SMOX: variants seen among roughly 807,000 people sequenced by gnomAD.
SMOX encodes the protein flavin containing amine oxidase.
SMOX carries 22 observed loss-of-function variants against 51.0 expected under a neutral mutation model. That is an observed-to-expected ratio of 0.43 (90% CI 0.31 to 0.62). The LOEUF is 0.62. Ranked by LOEUF, SMOX falls within the 20% of genes least tolerant of loss-of-function variation. The pLI is 0.10. For missense variants in SMOX, 566 were observed against 777.7 expected (o/e 0.73, Z 3.24); for synonymous variants, 282 against 307.8 (o/e 0.92, Z 0.88).
intron 6 of SMOX, among the ~76,000 whole-genome samples, chr20:4,185,031 A>T (rs1365920978): frequency 1.3e-5 from 2 of 152,220 alleles, no homozygotes. Context: ...GAACCCTTGG[A>T]GCTGAGTCAG....
rs1250679351 is a variant in SMOX, at chr20:4,170,930, G to T, written c.-26-4100G>T. 6.6e-6 allele frequency among the ~76,000 whole-genome samples: 1 copy of T among 152,146 alleles called. No homozygotes were observed. Among genetic ancestry groups the T allele is most frequent in the Non-Finnish European group, 1.5e-5 (1 of 68,038 alleles). ...ATGCCCTGGCTGGCCTGATTTCTTG[G>T]CACTCCTAGGCATTGCCTGCTTGGG... On this transcript the variant is annotated intron_variant, in intron 1 of 6. Coordinates refer to ENST00000305958, the MANE Select transcript of SMOX (RefSeq NM_175839.3). This position sits in a 1 kb window ranked among gnomAD's most constrained non-coding sequence, Gnocchi z 4.6.
Position 4,187,217 on chromosome 20 carries a change from CCTT to C in SMOX, c.1531-50_1531-48del. On this transcript the variant is annotated intron_variant, in intron 6 of 6. Coordinates refer to ENST00000305958, the MANE Select transcript of SMOX (RefSeq NM_175839.3). This position sits in a 1 kb window ranked among gnomAD's most constrained non-coding sequence, Gnocchi z 4.8. ...CTGGTGGAGAGGGGTGGCCTTGTGG[CCTT>C]CTGGCCTTTGCTGCTCCTCCACCCT... 1 of 1,565,998 alleles carries C rather than the reference CCTT, an allele frequency of 6.4e-7. No individual in the cohort carries two copies. Among genetic ancestry groups the C allele is most frequent in the Non-Finnish European group, 8.7e-7 (1 of 1,152,004 alleles).
At chr20:4,168,888 T>G (rs1437184884) in intron 1 of SMOX, among the ~76,000 whole-genome samples, 1 of 10,810 alleles carries the variant, frequency 9.3e-5, no homozygotes, top group African/African-American at 8.1e-4. Context: ...ATGCTCTATT[T>G]TATTTTATTT....
At chr20:4,171,061 C>T (rs1367162030) in intron 1 of SMOX, among the ~76,000 whole-genome samples, 1 of 152,198 alleles carries the variant, frequency 6.6e-6, no homozygotes, top group African/African-American at 2.4e-5. Flanking sequence ...CTGTTGCCCG[C>T]CCTCCTCCTC....
In SMOX at chr20:4,182,372, A is replaced by T. The variant is rs371088693; in HGVS notation, c.893A>T (p.Glu298Val). ...HDTGEGGQGG[E>V]EPRGGRWDED... ...ACTGGGGAGGGTGGCCAGGGTGGAGAGGAGCCCCGGGGGGGCAGGTGGGAT... is the reference window on the plus strand; with the variant it reads ...ACTGGGGAGGGTGGCCAGGGTGGAGTGGAGCCCCGGGGGGGCAGGTGGGAT... The change falls in exon 5 of 7, where the codon GAG becomes GTG. Residue 298 changes from glutamate (E) to valine (V), a missense_variant. By Grantham distance (121) the Glu-to-Val change is moderately radical. This residue lies in a region of SMOX where 347 missense variants were observed against 481.8 expected (regional missense o/e 0.72). Transcript: ENST00000305958. This position sits in a 1 kb window ranked among gnomAD's most constrained non-coding sequence, Gnocchi z 8.4. 84 of 1,596,162 alleles carry T rather than the reference A, an allele frequency of 5.3e-5. 3 individuals carry two copies. In the East Asian group the frequency reaches 6.1e-4, roughly 11 times the overall value.
chr20:4,178,466 T>A (rs756177987), intron 3 of SMOX, among the ~76,000 whole-genome samples: 1 of 152,220 alleles, frequency 6.6e-6, no homozygotes. Flanking sequence ...TGGACAGAAG[T>A]GGCAATGGCA....
chr20:4,171,577 A>C (rs1978393960), intron 1 of SMOX: 1 of 152,400 alleles, frequency 6.6e-6, no homozygotes, highest in South Asian at 2.1e-4. Context: ...GAGGAGGGAC[A>C]GGACCGTGGG....
In SMOX at chr20:4,185,181, T is replaced by C. The variant is rs189788653; in HGVS notation, c.1530+1527T>C. ...GACCCAGTTAAAAATCAGGACTTTG[T>C]TATTGAGGAGAAAGAGGAGAATGGT... On this transcript the variant is annotated intron_variant, in intron 6 of 6. Transcript: ENST00000305958. Among the ~76,000 whole-genome samples, 222 of 152,280 alleles carry C rather than the reference T, an allele frequency of 1.5e-3. 2 individuals are homozygous for C. The highest frequency in any genetic ancestry group is 5.1e-3 in the African/African-American group (212 of 41,568).
intron 1 of SMOX, among the ~76,000 whole-genome samples, chr20:4,155,730 G>A (rs192279008): frequency 6.6e-6 from 1 of 152,206 alleles, no homozygotes; most frequent in Admixed American, 6.5e-5. Flanking sequence ...TGCACCTCAG[G>A]CTCTACATGG....
At position 4,181,472 on chromosome 20, in the gene SMOX, A is replaced by G. The variant is rs1979313717; in HGVS notation, c.436-331A>G. ...CATCCTCCAGTGGGAGGTGGAGCCC[A>G]TGGAGGCCCATGCAGAGTCCATGAG... On this transcript the variant is annotated intron_variant, in intron 3 of 6. Transcript: ENST00000305958. This position sits in a 1 kb window ranked among gnomAD's most constrained non-coding sequence, Gnocchi z 5.6. Among the ~76,000 whole-genome samples the G allele has an allele frequency of 1.3e-5, 2 of 152,208 alleles. No individual in the cohort carries two copies. Among genetic ancestry groups the G allele is most frequent in the Admixed American group, 6.5e-5 (1 of 15,286 alleles).
intron 1 of SMOX, among the ~76,000 whole-genome samples, chr20:4,159,887 A>G (rs1360327890): frequency 1.3e-5 from 2 of 152,166 alleles, no homozygotes; most frequent in African/African-American, 4.8e-5. Context: ...GTTGAATTCT[A>G]TGGAAAGTGC....
chr20:4,161,996 C>T (rs1986349536), intron 1 of SMOX, among the ~76,000 whole-genome samples: 1 of 152,196 alleles, frequency 6.6e-6, no homozygotes, highest in Non-Finnish European at 1.5e-5. Flanking sequence ...CGGCAGCCAC[C>T]GGGTGGCAGG....
At chr20:4,150,320 C>G (rs2045403170) in intron 1 of SMOX, among the ~76,000 whole-genome samples, 1 of 152,196 alleles carries the variant, frequency 6.6e-6, no homozygotes, top group Non-Finnish European at 1.5e-5. Flanking sequence ...CCCACCCCTT[C>G]ACTGAAACAG....
rs1210830438 is a variant in SMOX, at chr20:4,175,086, G to T, written c.31G>T (p.Ala11Ser). The change falls in exon 2 of 7, where the codon GCG (alanine) becomes TCG (serine). Residue 11 changes from alanine to serine, a missense_variant. Physicochemically the swap from Ala to Ser is moderately conservative, Grantham distance 99 (BLOSUM62 1). Transcript: ENST00000305958. Reference sequence around the variant, plus strand: ...AAGTTGTGAATCCAGTGGTGACAGTGCGGATGACCCTCTCAGTCGCGGCCT... The same window carrying T: ...AAGTTGTGAATCCAGTGGTGACAGTTCGGATGACCCTCTCAGTCGCGGCCT... MQSCESSGDSADDPLSRGLRR... is the reference protein window; with the variant it reads MQSCESSGDSSDDPLSRGLRR... 1 of 1,614,130 alleles carries T rather than the reference G, an allele frequency of 6.2e-7. No homozygotes were observed. Among genetic ancestry groups the T allele is most frequent in the African/African-American group, 1.3e-5 (1 of 74,936 alleles).
intron 3 of SMOX, among the ~76,000 whole-genome samples, chr20:4,178,049 T>A (rs1187518249): frequency 6.6e-6 from 1 of 152,162 alleles, no homozygotes; most frequent in African/African-American, 2.4e-5. Flanking sequence ...TTGTTGTTGT[T>A]GTTTGTTTTT....
chr20:4,162,786 T>G (rs1986394192), intron 1 of SMOX, among the ~76,000 whole-genome samples: 1 of 152,134 alleles, frequency 6.6e-6, no homozygotes, highest in Admixed American at 6.5e-5. Flanking sequence ...GAGGAAACGG[T>G]CTTTCCAAGA....
At chr20:4,171,095 C>CT (rs1397841376) in intron 1 of SMOX, among the ~76,000 whole-genome samples, 1 of 152,228 alleles carries the variant, frequency 6.6e-6, no homozygotes, top group East Asian at 1.9e-4. Context: ...TGAGCCAGCA[C>CT]TTTTTTCTTC....
chr20:4,168,989 C>T (rs1344037181), intron 1 of SMOX, among the ~76,000 whole-genome samples: 1 of 150,274 alleles, frequency 6.7e-6, no homozygotes, highest in Non-Finnish European at 1.5e-5. Flanking sequence ...GCTCTGTCGC[C>T]CAGACTAGAG....
At chr20:4,150,544 C>A (rs2122349374) in intron 1 of SMOX, among the ~76,000 whole-genome samples, 1 of 152,336 alleles carries the variant, frequency 6.6e-6, no homozygotes, top group South Asian at 2.1e-4. Flanking sequence ...TTGTCCGTAG[C>A]CGCTTCTCTC....
Sources: gnomAD v4.1 joint callset for allele counts (sites outside exome capture counted in the v4.1 genomes callset) on GRCh38, gnomAD v4.1.1 for gene constraint, gnomAD v4.1.1 regional missense constraint, Gnocchi (gnomAD v3.1) non-coding constraint, MANE v1.5 for transcripts, NCBI Gene and HGNC (gene_info 2026-07-23, HGNC 2026-07-21) for gene names.